Variants in SPTBN1 observed in about 807,000 individuals in gnomAD.
SPTBN1 encodes the protein spectrin beta, non-erythrocytic 1, also known as spectrin beta chain, non-erythrocytic 1.
SPTBN1 carries 32 observed loss-of-function variants against 266.4 expected under a neutral mutation model. The observed-to-expected ratio is 0.12, with a 90% CI of 0.09 to 0.16. The LOEUF (loss-of-function observed/expected upper bound fraction) is 0.16, where lower values mean the gene tolerates loss of function less well. Among genes scored for constraint, SPTBN1 ranks in the 10% least tolerant of loss-of-function variants. The probability of loss-of-function intolerance (pLI) is 1.00; values close to 1 mark genes in which losing one functional copy is unlikely to be tolerated. For missense variants in SPTBN1, 2,296 were observed against 3,067.1 expected, an observed-to-expected ratio of 0.75 and a Z score of 5.94; for synonymous variants, 1,336 against 1,162.2, an observed-to-expected ratio of 1.15 and a Z score of -3.04.
At chr2:54,561,664 A>G (rs1673305364) in intron 2 of SPTBN1, among the ~76,000 whole-genome samples, 2 of 150,984 alleles carry the variant, frequency 1.3e-5, no homozygotes, top group Admixed American at 1.3e-4. Flanking sequence ...GTTTATAGCG[A>G]TTTATAGTTT....
At chr2:54,562,014 C>CA (rs561313864) in intron 2 of SPTBN1, among the ~76,000 whole-genome samples, 71 of 152,030 alleles carry the variant, frequency 4.7e-4, no homozygotes, top group African/African-American at 1.6e-3. Flanking sequence ...ACACACACAC[C>CA]CACCCCTTCC....
At chr2:54,556,667 G>C (rs1314491369) in intron 2 of SPTBN1, among the ~76,000 whole-genome samples, 1 of 151,640 alleles carries the variant, frequency 6.6e-6, no homozygotes, top group African/African-American at 2.4e-5. Flanking sequence ...TTGTAGTCTT[G>C]ATGTGGTGTG....
chr2:54,612,398 T>A, intron 4 of SPTBN1, 64 bp downstream of exon 4: 3 of 1,522,910 alleles, frequency 2.0e-6, no homozygotes, highest in Non-Finnish European at 1.8e-6. Context: ...AGCATTGTTA[T>A]AGAGCTGGCC....
chr2:54,644,459 A>T lies in SPTBN1; in HGVS notation c.4142A>T (p.Lys1381Met). 1 of 1,614,224 alleles carries T rather than the reference A, an allele frequency of 6.2e-7. No homozygotes were observed. Among genetic ancestry groups the T allele is most frequent in the Non-Finnish European group, 8.5e-7 (1 of 1,180,046 alleles). Residue 1381 changes from lysine (K) to methionine (M), a missense_variant, in exon 20 of 36, where the codon AAG (lysine) becomes ATG (methionine). Physicochemically the swap from Lys to Met is moderately conservative, Grantham distance 95. This residue lies in a region of SPTBN1 where 386 missense variants were observed against 486.1 expected (regional missense o/e 0.79). Transcript: ENST00000356805. The stretch of plus-strand genomic sequence containing the variant: ...GCCCAGCGGCTCTTTGATGCAAACA[A>T]GGCCGAACTTTTCACCCAGAGCTGT... ...TKAQRLFDAN[K>M]AELFTQSCAD... is the part of the protein sequence containing the mutation.
chr2:54,643,162 G>A (rs1179806386), intron 19 of SPTBN1, 33 bp downstream of exon 19: 4 of 1,612,426 alleles, frequency 2.5e-6, no homozygotes, highest in East Asian at 2.2e-5. Context: ...GCCATGGTGA[G>A]AAAACAAACA....
intron 2 of SPTBN1, among the ~76,000 whole-genome samples, chr2:54,583,536 C>G (rs1161215135): frequency 6.6e-6 from 1 of 152,156 alleles, no homozygotes; most frequent in Non-Finnish European, 1.5e-5. Flanking sequence ...GGTTTGAAAA[C>G]TACTCCCCTG....
chr2:54,569,036 ATC>A (rs1346770744), intron 2 of SPTBN1, among the ~76,000 whole-genome samples: 1 of 152,244 alleles, frequency 6.6e-6, no homozygotes, highest in Non-Finnish European at 1.5e-5. Flanking sequence ...TATGTGAAAT[ATC>A]TGTTACATGG....
At chr2:54,530,079 C>T (rs1671124454) in intron 2 of SPTBN1, among the ~76,000 whole-genome samples, 1 of 152,090 alleles carries the variant, frequency 6.6e-6, no homozygotes, top group South Asian at 2.1e-4. Context: ...GTACATATCA[C>T]ATTTCCTGTG....
intron 1 of SPTBN1, among the ~76,000 whole-genome samples, chr2:54,521,304 G>A (rs116075818): frequency 6.6e-6 from 1 of 152,194 alleles, no homozygotes; most frequent in African/African-American, 2.4e-5. Context: ...GCCTAGAAGG[G>A]ACCTTTCCAT....
At position 54,669,497 on chromosome 2, in the gene SPTBN1, A is replaced by T. The variant is rs1452910746; in HGVS notation, c.*928A>T. ...TTTCTCTGTCACTGTAACTATTGTA[A>T]TGACAAATTTTCATCTTACTGCACA... is the stretch of plus-strand genomic sequence containing the variant. On this transcript the variant is annotated 3_prime_UTR_variant, in exon 36 of 36. Coordinates refer to ENST00000356805, the MANE Select transcript of SPTBN1 (RefSeq NM_003128.3). 1 of 152,662 alleles carries T rather than the reference A, an allele frequency of 6.6e-6. No individual in the cohort carries two copies. Among genetic ancestry groups the T allele is most frequent in the Non-Finnish European group, 1.5e-5 (1 of 68,044 alleles). 9.5% of individuals were successfully genotyped at this position (152,662 alleles called of 1,614,324 possible). A position where few individuals can be genotyped will look rare whatever the true frequency, so the allele number is the denominator to read the frequency against.
chr2:54,477,063 T>C (rs1474389107), intron 1 of SPTBN1, among the ~76,000 whole-genome samples: 1 of 152,182 alleles, frequency 6.6e-6, no homozygotes, highest in African/African-American at 2.4e-5. Flanking sequence ...TCTTTGACTT[T>C]CTGTAACAAG....
In SPTBN1 at chr2:54,644,605, A is replaced by G. The variant is rs1679800425; in HGVS notation, c.4269+19A>G. 5.0e-6 allele frequency: 8 copies of G among 1,592,014 alleles called. No individual in the cohort carries two copies. Among genetic ancestry groups the G allele is most frequent in the South Asian group, 1.1e-5 (1 of 89,552 alleles). On this transcript the variant is annotated intron_variant, in intron 20 of 35. Transcript: ENST00000356805. ...GCAACAGGCAAGTGGACAAGCCATC[A>G]TGGACTTGGGTGTATTTCTGTTTTA... is the stretch of plus-strand genomic sequence containing the variant.
At chr2:54,636,865 A>G (rs904154789) in intron 17 of SPTBN1, among the ~76,000 whole-genome samples, 5 of 152,220 alleles carry the variant, frequency 3.3e-5, no homozygotes, top group Non-Finnish European at 7.3e-5. Flanking sequence ...TTGAATCCTC[A>G]GTGGGTCCTC....
chr2:54,581,671 A>G (rs1186323228), intron 2 of SPTBN1, among the ~76,000 whole-genome samples: 2 of 147,914 alleles, frequency 1.4e-5, no homozygotes, highest in East Asian at 3.9e-4. Flanking sequence ...AACTGTCCCA[A>G]ACCTGAGCTA....
At chr2:54,564,385 AGG>A (rs36126301) in intron 2 of SPTBN1, among the ~76,000 whole-genome samples, 1 of 152,160 alleles carries the variant, frequency 6.6e-6, no homozygotes, top group East Asian at 1.9e-4. Flanking sequence ...TCTTGGAAAA[AGG>A]GGTCTGCACA....
At chr2:54,566,360 G>A (rs944578733) in intron 2 of SPTBN1, among the ~76,000 whole-genome samples, 1 of 151,746 alleles carries the variant, frequency 6.6e-6, no homozygotes, top group African/African-American at 2.4e-5. Flanking sequence ...GCTAATTTGT[G>A]TATTTTCTGT....
At position 54,628,049 on chromosome 2, in the gene SPTBN1, G is replaced by T. The variant is rs1461911080; in HGVS notation, c.1645-48G>T. The T allele has an allele frequency of 6.4e-7, 1 of 1,560,320 alleles. No individual in the cohort carries two copies. The highest frequency in any genetic ancestry group is 1.2e-5 in the South Asian group (1 of 81,818). On this transcript the variant is annotated intron_variant, in intron 12 of 35. Coordinates refer to ENST00000356805, the MANE Select transcript of SPTBN1 (RefSeq NM_003128.3). The surrounding 1 kb of genome is among the most constrained non-coding windows in gnomAD (Gnocchi z 4.3). ...TGTCGAAAGATGATGTGATGCTGAA[G>T]TCAAGGCTATAGTCACAGATGTCCT...
At chr2:54,468,249 G>A (rs1693736892) in intron 1 of SPTBN1, among the ~76,000 whole-genome samples, 1 of 152,180 alleles carries the variant, frequency 6.6e-6, no homozygotes, top group East Asian at 1.9e-4. Flanking sequence ...GGAGGTTGCA[G>A]TGAGCTGAGA....
intron 2 of SPTBN1, among the ~76,000 whole-genome samples, chr2:54,590,817 C>A (rs1457354859): frequency 6.6e-6 from 1 of 152,156 alleles, no homozygotes; most frequent in East Asian, 1.9e-4. Context: ...CGTTTGGGAC[C>A]TTTAAATGCC....
Sources: allele counts gnomAD v4.1 joint callset (sites outside exome capture counted in the v4.1 genomes callset), GRCh38; gene constraint gnomAD v4.1.1; regional missense constraint gnomAD v4.1.1; non-coding constraint Gnocchi (gnomAD v3.1); transcripts MANE v1.5; gene names NCBI Gene and HGNC (gene_info 2026-07-23, HGNC 2026-07-21).